Variants in CMYA5 observed in about 807,000 individuals in gnomAD.
The protein encoded by CMYA5 is cardiomyopathy-associated protein 5.
In CMYA5, 246 loss-of-function variants were observed where a neutral mutation model predicts 318.9. That is an observed-to-expected ratio of 0.77 (90% CI 0.70 to 0.86). The LOEUF is 0.86. Among genes scored for constraint, CMYA5 ranks in the 40% least tolerant of loss-of-function variants. The probability of loss-of-function intolerance (pLI) is 0.00; values close to 1 mark genes in which losing one functional copy is unlikely to be tolerated. For synonymous variants in CMYA5, 1,641 were observed against 1,729.5 expected (o/e 0.95, Z 1.27); for missense variants, 4,589 against 4,678.2 (o/e 0.98, Z 0.56).
rs13158477 is a variant in CMYA5 at position 79,732,903 on chromosome 5, A to G, written c.4138A>G (p.Ile1380Val). The change falls in exon 2 of 13, where the codon ATC becomes GTC. Residue 1380 changes from isoleucine to valine, a missense_variant. Around this residue, in one of 3 missense-constraint regions of CMYA5, gnomAD observed 2,132 missense variants for 2,131.3 expected, o/e 1.00. Coordinates refer to ENST00000446378, the MANE Select transcript of CMYA5 (RefSeq NM_153610.5). ...AGAAATCCCAACAGATTCATCTCTT[A>G]TCACTCCTGTAGATCGTCCAGTCTT... The part of the protein sequence containing the change: ...KEEIPTDSSL[I>V]TPVDRPVLTK... 244,672 of 1,613,318 alleles carry G rather than the reference A, an allele frequency of 0.15. 19,313 individuals carry two copies. The highest frequency in any genetic ancestry group is 0.17 in the Middle Eastern group (1,008 of 6,060).
At chr5:79,773,346 AAAG>A (rs1387046100) in intron 9 of CMYA5, among the ~76,000 whole-genome samples, 2 of 152,260 alleles carry the variant, frequency 1.3e-5, no homozygotes, top group African/African-American at 4.8e-5. Context: ...CCAGCAAAGT[AAAG>A]AAGAATGGAT....
Position 79,737,222 on chromosome 5 carries a change from T to C in CMYA5, c.8457T>C (p.Thr2819=), listed in dbSNP as rs1381515115. 1 of 1,613,664 alleles carries C rather than the reference T, an allele frequency of 6.2e-7. No homozygotes were observed. Residue 2819 remains threonine (T), a synonymous_variant, in exon 2 of 13, where the codon ACT becomes ACC. Transcript: ENST00000446378. ...TGCTGTCACCTGTAAAACCACAAACTCTTGCTTCAGGAGCTTCTCCAGAAA... is the reference window on the plus strand; with the variant it reads ...TGCTGTCACCTGTAAAACCACAAACCCTTGCTTCAGGAGCTTCTCCAGAAA... ...PYLLSPVKPQ[T]LASGASPEIN...
At chr5:79,692,062 C>T (rs1425815788) in intron 1 of CMYA5, among the ~76,000 whole-genome samples, 2 of 152,184 alleles carry the variant, frequency 1.3e-5, no homozygotes, top group Non-Finnish European at 2.9e-5. Context: ...AAAGTTTTAT[C>T]ATGCAGATGA....
At chr5:79,713,294 C>CG (rs1827437330) in intron 1 of CMYA5, among the ~76,000 whole-genome samples, 1 of 45,860 alleles carries the variant, frequency 2.2e-5, no homozygotes, top group African/African-American at 8.3e-5. Context: ...CCCGCTGCAC[C>CG]CCGCCCCCAC....
intron 1 of CMYA5, among the ~76,000 whole-genome samples, chr5:79,702,115 A>G (rs1199587361): frequency 6.6e-6 from 1 of 151,504 alleles, no homozygotes; most frequent in Non-Finnish European, 1.5e-5. Flanking sequence ...ATAAAAAGAG[A>G]TAAAGAAAAT....
chr5:79,723,307 C>G (rs1170823358), intron 1 of CMYA5, among the ~76,000 whole-genome samples: 1 of 152,014 alleles, frequency 6.6e-6, no homozygotes, highest in East Asian at 1.9e-4. Flanking sequence ...GGAGCAGTGG[C>G]AGGCACCTGT....
intron 2 of CMYA5, among the ~76,000 whole-genome samples, chr5:79,741,598 A>G (rs1484929716): frequency 6.6e-6 from 1 of 152,128 alleles, no homozygotes; most frequent in African/African-American, 2.4e-5. Flanking sequence ...GAGTAGGGCA[A>G]CTTCTTTTGT....
chr5:79,788,887 A>T, intron 9 of CMYA5, 84 bp from the exon 10 acceptor site: 1 of 1,336,758 alleles, frequency 7.5e-7, no homozygotes, highest in Non-Finnish European at 1.0e-6. Context: ...CTAATAAAAG[A>T]TGTTCATTCA....
intron 9 of CMYA5, among the ~76,000 whole-genome samples, chr5:79,767,490 C>T (rs1828777006): frequency 6.6e-6 from 1 of 152,116 alleles, no homozygotes; most frequent in Admixed American, 6.5e-5. Context: ...CCCAGAGATT[C>T]TGCTATGTTG....
At chr5:79,701,106 A>AAAAAG (rs1259793993) in intron 1 of CMYA5, among the ~76,000 whole-genome samples, 6 of 151,514 alleles carry the variant, frequency 4.0e-5, no homozygotes, top group African/African-American at 1.5e-4. Flanking sequence ...AAAAAAAAAA[A>AAAAAG]AATTAGCCGA....
chr5:79,743,776 G>A lies in CMYA5; in HGVS notation c.10639-51G>A. 5 of 984,694 alleles carry A rather than the reference G, an allele frequency of 5.1e-6. No individual in the cohort carries two copies. The South Asian group carries it at 8.4e-5, about 17-fold the overall frequency. The allele number at this position is 984,694 out of a possible 1,614,324, so 61.0% of individuals were successfully genotyped here. ...AGGAACTTGGAGCTCACTGGTTGAAGTTCTCTTCCTAAATGTCATATACTA... is the reference window on the plus strand; with the variant it reads ...AGGAACTTGGAGCTCACTGGTTGAAATTCTCTTCCTAAATGTCATATACTA... On this transcript the variant is annotated intron_variant, in intron 2 of 12. Transcript: ENST00000446378.
chr5:79,793,813 T>C (rs1580810889), intron 12 of CMYA5, among the ~76,000 whole-genome samples: 1 of 152,304 alleles, frequency 6.6e-6, no homozygotes, highest in Non-Finnish European at 1.5e-5. Context: ...GTGTGAATCA[T>C]ACCTGAAGAG....
At chr5:79,721,423 C>A (rs1359515648) in intron 1 of CMYA5, among the ~76,000 whole-genome samples, 2 of 152,118 alleles carry the variant, frequency 1.3e-5, no homozygotes, top group Non-Finnish European at 2.9e-5. Context: ...GCAAATTTAA[C>A]TCCAAACATA....
Position 79,737,470 on chromosome 5 carries a change from G to A in CMYA5, c.8705G>A (p.Ser2902Asn). The change falls in exon 2 of 13, where the codon AGC becomes AAC. Residue 2902 changes from serine (S) to asparagine (N), a missense_variant. Around this residue, in one of 3 missense-constraint regions of CMYA5, gnomAD observed 2,431 missense variants for 2,495.1 expected, o/e 0.97. Coordinates refer to ENST00000446378, the MANE Select transcript of CMYA5 (RefSeq NM_153610.5). ...CAATTTATATCTAATACATCAGCAA[G>A]CAATGCTGATAAAATGGTTTCTAAT... ...YAQFISNTSASNADKMVSNKE... is the reference protein window; with the variant it reads ...YAQFISNTSANNADKMVSNKE... 6.2e-7 allele frequency: 1 copy of A among 1,613,780 alleles called. No homozygotes were observed. Among genetic ancestry groups the A allele is most frequent in the Non-Finnish European group, 8.5e-7 (1 of 1,179,816 alleles).
rs190280484 is a variant in CMYA5 at position 79,792,002 on chromosome 5, T to A, written c.11789+933T>A. Among the ~76,000 whole-genome samples, 13 of 152,296 alleles carry A rather than the reference T, an allele frequency of 8.5e-5. No individual in the cohort carries two copies. In the East Asian group the frequency reaches 2.1e-3, roughly 25 times the overall value. Reference sequence around the variant, plus strand: ...CTGATGGTGCTGCTGTGCCCTGGTGTCGGTGGCTGGCAGGTGCTCCCAAGA... The same window carrying A: ...CTGATGGTGCTGCTGTGCCCTGGTGACGGTGGCTGGCAGGTGCTCCCAAGA... On this transcript the variant is annotated intron_variant, in intron 11 of 12. Coordinates refer to ENST00000446378, the MANE Select transcript of CMYA5 (RefSeq NM_153610.5).
rs1475106686 is a variant in CMYA5, at chr5:79,731,085, A to G, written c.2320A>G (p.Thr774Ala). 1.2e-6 allele frequency: 2 copies of G among 1,614,020 alleles called. No homozygotes were observed. The highest frequency in any genetic ancestry group is 3.3e-5 in the Admixed American group (2 of 60,012). Residue 774 changes from threonine (T) to alanine (A), a missense_variant, in exon 2 of 13, where the codon ACA becomes GCA. Physicochemically the swap from Thr to Ala is moderately conservative, Grantham distance 58. Coordinates refer to ENST00000446378, the MANE Select transcript of CMYA5 (RefSeq NM_153610.5). ...CCAGTCACCACTGCCTTCTACTGCC[A>G]CATCAGAACACGTGGTCCCATCAGA... ...ECQSPLPSTA[T>A]SEHVVPSEGE...
chr5:79,736,357 T>C lies in CMYA5; in HGVS notation c.7592T>C (p.Val2531Ala), dbSNP rs933756333. 10 of 1,613,532 alleles carry C rather than the reference T, an allele frequency of 6.2e-6. No individual in the cohort carries two copies. The highest frequency in any genetic ancestry group is 8.5e-6 in the Non-Finnish European group (10 of 1,179,740). ...TACAATGAAAGACCCAAAATCATTG[T>C]TGGTTCTGAAAAGGAGAAAGGTGAA... ...EDYNERPKII[V>A]GSEKEKGEEK... The change falls in exon 2 of 13, where the codon GTT (valine) becomes GCT (alanine). Residue 2531 changes from valine to alanine, a missense_variant. Around this residue, in one of 3 missense-constraint regions of CMYA5, gnomAD observed 2,431 missense variants for 2,495.1 expected, o/e 0.97. Transcript: ENST00000446378.
chr5:79,702,972 C>T (rs1827200770), intron 1 of CMYA5, among the ~76,000 whole-genome samples: 1 of 152,180 alleles, frequency 6.6e-6, no homozygotes, highest in African/African-American at 2.4e-5. Context: ...GGTCTAAAAA[C>T]GGATGTGAAG....
chr5:79,742,760 GA>G (rs111610940), intron 2 of CMYA5, among the ~76,000 whole-genome samples: 51,614 of 145,250 alleles, frequency 0.36, 8,916 homozygotes, highest in East Asian at 0.45. Context: ...CATTGAGAGT[GA>G]AAAAAAAAAA....
Sources: gnomAD v4.1 joint callset for allele counts (sites outside exome capture counted in the v4.1 genomes callset) on GRCh38, gnomAD v4.1.1 for gene constraint, gnomAD v4.1.1 regional missense constraint, MANE v1.5 for transcripts, NCBI Gene and HGNC (gene_info 2026-07-23, HGNC 2026-07-21) for gene names.